PRELID2: variants seen among roughly 807,000 people sequenced by gnomAD.
PRELID2 encodes the protein PRELI domain-containing protein 2.
In PRELID2, 25 loss-of-function variants were observed where a neutral mutation model predicts 28.4. That is an observed-to-expected ratio of 0.88 (90% CI 0.64 to 1.23). The LOEUF (loss-of-function observed/expected upper bound fraction) is 1.23. Ranked by LOEUF, PRELID2 falls within the 50% of genes most tolerant of loss-of-function variation. PRELID2 has a pLI of 0.00. For synonymous variants in PRELID2, 76 were observed against 71.6 expected, an observed-to-expected ratio of 1.06 and a Z score of -0.31; for missense variants, 201 against 214.4, an observed-to-expected ratio of 0.94 and a Z score of 0.39.
chr5:145,327,793 T>C, the PRELID2 span, among the ~76,000 whole-genome samples: 1 of 152,174 alleles, frequency 6.6e-6, no homozygotes, highest in East Asian at 1.9e-4. Context: ...AAAATTATTA[T>C]TTTTTAATAC....
intron 1 of PRELID2, among the ~76,000 whole-genome samples, chr5:145,623,108 GGTCA>G (rs1753793924): frequency 6.6e-6 from 1 of 151,858 alleles, no homozygotes; most frequent in South Asian, 2.1e-4. Context: ...ATAGTTTGGT[GGTCA>G]GGAAGAAGAA....
chr5:145,519,172 C>T (rs1752543653), intron 1 of PRELID2, among the ~76,000 whole-genome samples: 1 of 152,154 alleles, frequency 6.6e-6, no homozygotes, highest in Non-Finnish European at 1.5e-5. Flanking sequence ...AGGAGCCTGA[C>T]TTCTTTTATA....
At chr5:145,284,336 T>A in the PRELID2 span, among the ~76,000 whole-genome samples, 1 of 152,162 alleles carries the variant, frequency 6.6e-6, no homozygotes, top group Admixed American at 6.5e-5. Flanking sequence ...AAATATTAGC[T>A]AAATCATTTT....
the PRELID2 span, among the ~76,000 whole-genome samples, chr5:145,368,791 T>G: frequency 6.6e-6 from 1 of 151,876 alleles, no homozygotes; most frequent in Non-Finnish European, 1.5e-5. Flanking sequence ...TTTCATTTTT[T>G]TTGTTGTTGT....
intron 1 of PRELID2, among the ~76,000 whole-genome samples, chr5:145,517,110 T>C (rs1427711164): frequency 1.3e-5 from 2 of 151,988 alleles, no homozygotes; most frequent in Non-Finnish European, 2.9e-5. Context: ...CCAAAAGCAA[T>C]GGTAACAAAA....
chr5:145,691,653 G>C (rs1309530982), intron 1 of PRELID2, among the ~76,000 whole-genome samples: 1 of 152,096 alleles, frequency 6.6e-6, no homozygotes, highest in African/African-American at 2.4e-5. Flanking sequence ...GGGAGGCGAA[G>C]CTTGCAGTAA....
At chr5:145,251,061 A>G in the PRELID2 span, among the ~76,000 whole-genome samples, 2 of 152,264 alleles carry the variant, frequency 1.3e-5, no homozygotes, top group East Asian at 3.9e-4. Context: ...TGTCATAACT[A>G]TCCATAGTTG....
chr5:145,514,618 G>T (rs1205243014), intron 1 of PRELID2, among the ~76,000 whole-genome samples: 1 of 152,120 alleles, frequency 6.6e-6, no homozygotes, highest in Non-Finnish European at 1.5e-5. Flanking sequence ...GGATATTCAG[G>T]ACTTGAACTC....
chr5:145,510,719 TC>T (rs1648676002), intron 1 of PRELID2, among the ~76,000 whole-genome samples: 1 of 152,196 alleles, frequency 6.6e-6, no homozygotes, highest in African/African-American at 2.4e-5. Flanking sequence ...ATCTTTTTGC[TC>T]CCCACTACCT....
At chr5:145,529,979 C>T (rs1223813119) in intron 1 of PRELID2, among the ~76,000 whole-genome samples, 1 of 152,114 alleles carries the variant, frequency 6.6e-6, no homozygotes, top group Non-Finnish European at 1.5e-5. Context: ...GTGCTTTATA[C>T]AATGATCTGC....
intron 1 of PRELID2, among the ~76,000 whole-genome samples, chr5:145,622,780 A>C (rs1753790181): frequency 6.6e-6 from 1 of 152,060 alleles, no homozygotes; most frequent in South Asian, 2.1e-4. Flanking sequence ...TGGAATAAGT[A>C]ATTTAAGATA....
chr5:145,489,995 G>T (rs1158360197), intron 1 of PRELID2, among the ~76,000 whole-genome samples: 2 of 152,066 alleles, frequency 1.3e-5, no homozygotes, highest in Non-Finnish European at 2.9e-5. Flanking sequence ...TTCTTATATT[G>T]AAAGATTAGT....
the PRELID2 span, among the ~76,000 whole-genome samples, chr5:145,265,921 A>T: frequency 6.6e-6 from 1 of 152,216 alleles, no homozygotes; most frequent in Non-Finnish European, 1.5e-5. Context: ...CATGGGCAAT[A>T]ACCCAAAAGC....
At chr5:145,686,811 AT>A (rs1201291201) in intron 1 of PRELID2, among the ~76,000 whole-genome samples, 1 of 152,204 alleles carries the variant, frequency 6.6e-6, no homozygotes, top group Non-Finnish European at 1.5e-5. Flanking sequence ...AGCTGCAGTA[AT>A]TGTTCAGCTT....
chr5:145,747,616 A>T (rs1273195840), intron 1 of PRELID2, among the ~76,000 whole-genome samples: 1 of 94,010 alleles, frequency 1.1e-5, no homozygotes, highest in African/African-American at 3.7e-5. Flanking sequence ...AGCTGGTACC[A>T]TTCCTTCTGA....
chr5:145,622,423 T>C (rs1056682235), intron 1 of PRELID2, among the ~76,000 whole-genome samples: 8 of 152,156 alleles, frequency 5.3e-5, no homozygotes, highest in Non-Finnish European at 1.0e-4. Context: ...AGTAACTACT[T>C]ATGCTAAAGG....
the PRELID2 span, among the ~76,000 whole-genome samples, chr5:145,370,192 G>A: frequency 6.6e-6 from 1 of 152,082 alleles, no homozygotes; most frequent in Non-Finnish European, 1.5e-5. Flanking sequence ...TGAAGCCTTT[G>A]CGCATGCCTA....
rs551591486 is a variant in PRELID2, at chr5:145,581,302, C to T, written n.71-107987G>A. Among the ~76,000 whole-genome samples the T allele has an allele frequency of 2.6e-5, 4 of 152,192 alleles. No homozygotes were observed. In the South Asian group the frequency reaches 8.3e-4, roughly 32 times the overall value. On this transcript the variant is annotated intron_variant and non_coding_transcript_variant, in intron 1 of 2. Coordinates refer to the PRELID2 transcript ENST00000510259. ...GCCATGTGTTGTCAATATCATCACACATTTGTTCAGGCCACACCATAAGCC... is the reference window on the plus strand; with the variant it reads ...GCCATGTGTTGTCAATATCATCACATATTTGTTCAGGCCACACCATAAGCC...
the PRELID2 span, among the ~76,000 whole-genome samples, chr5:145,360,505 G>T: frequency 1.3e-5 from 2 of 152,160 alleles, no homozygotes; most frequent in Admixed American, 1.3e-4. Flanking sequence ...AGAGAGGGCT[G>T]CAATTCAAGT....
Sources: gnomAD v4.1 joint callset for allele counts (sites outside exome capture counted in the v4.1 genomes callset) on GRCh38, gnomAD v4.1.1 for gene constraint, MANE v1.5 for transcripts, NCBI Gene and HGNC (gene_info 2026-07-23, HGNC 2026-07-21) for gene names.